Variants in HIPK2 observed in about 807,000 individuals in gnomAD.
HIPK2 encodes homeodomain-interacting protein kinase 2.
HIPK2 carries 27 observed loss-of-function variants against 113.7 expected under a neutral mutation model. The observed-to-expected ratio is 0.24, with a 90% CI of 0.17 to 0.33. The LOEUF (loss-of-function observed/expected upper bound fraction) is 0.33, where lower values mean the gene tolerates loss of function less well. Among genes scored for constraint, HIPK2 ranks in the 10% least tolerant of loss-of-function variants. HIPK2 has a pLI of 1.00. For missense variants in HIPK2, 1,257 were observed against 1,588.0 expected, an observed-to-expected ratio of 0.79 and a Z score of 3.54; for synonymous variants, 631 against 642.2, an observed-to-expected ratio of 0.98 and a Z score of 0.26.
At chr7:139,693,565 T>C (rs1794475086) in intron 2 of HIPK2, among the ~76,000 whole-genome samples, 1 of 152,176 alleles carries the variant, frequency 6.6e-6, no homozygotes, top group Non-Finnish European at 1.5e-5. Context: ...AATTTTCTCA[T>C]CCACTAAATG....
At chr7:139,658,522 G>A (rs1313006390) in intron 2 of HIPK2, among the ~76,000 whole-genome samples, 2 of 152,188 alleles carry the variant, frequency 1.3e-5, no homozygotes, top group African/African-American at 2.4e-5. Context: ...GTAGGAAAGC[G>A]AAAGCAAAAT....
intron 2 of HIPK2, among the ~76,000 whole-genome samples, chr7:139,681,093 C>T (rs1268679139): frequency 1.3e-5 from 2 of 152,236 alleles, no homozygotes; most frequent in African/African-American, 4.8e-5. Context: ...GGTAACACAT[C>T]TCTCCTGATA....
At chr7:139,776,033 C>T (rs1358955232) in intron 1 of HIPK2, among the ~76,000 whole-genome samples, 1 of 152,182 alleles carries the variant, frequency 6.6e-6, no homozygotes, top group African/African-American at 2.4e-5. Flanking sequence ...CATTTTAACA[C>T]TCTAGACAGT....
At chr7:139,723,567 T>C (rs1795481492) in intron 1 of HIPK2, among the ~76,000 whole-genome samples, 1 of 152,190 alleles carries the variant, frequency 6.6e-6, no homozygotes, top group South Asian at 2.1e-4. Flanking sequence ...CCCCACTATT[T>C]ACTTAGTTTC....
intron 13 of HIPK2, among the ~76,000 whole-genome samples, chr7:139,581,970 C>A (rs551721837): frequency 2.6e-4 from 40 of 152,306 alleles, no homozygotes; most frequent in Middle Eastern, 3.4e-3. Flanking sequence ...GCTGCATATA[C>A]CCTTAAACAA....
intron 12 of HIPK2, 116 bp from the exon 13 acceptor site, chr7:139,584,180 G>A: frequency 7.2e-7 from 1 of 1,394,046 alleles, no homozygotes; most frequent in Non-Finnish European, 9.7e-7. Context: ...GCAGGAACAG[G>A]GCTTTTGCCC....
chr7:139,657,028 G>A (rs1322645328), intron 2 of HIPK2, among the ~76,000 whole-genome samples: 1 of 152,048 alleles, frequency 6.6e-6, no homozygotes, highest in Non-Finnish European at 1.5e-5. Context: ...GCACCATCAC[G>A]CCTGGCTAAC....
chr7:139,602,091 T>C lies in HIPK2; in HGVS notation c.2256-1495A>G, dbSNP rs1215705587. On this transcript the variant is annotated intron_variant, in intron 10 of 14. Coordinates refer to ENST00000406875, the MANE Select transcript of HIPK2 (RefSeq NM_022740.5). ...CCTCAGCCTCCCGAGTAGCTGGGATTACAGGCGTGCACTGCCACGCCCAGC... is the reference window on the plus strand; with the variant it reads ...CCTCAGCCTCCCGAGTAGCTGGGATCACAGGCGTGCACTGCCACGCCCAGC... Among the ~76,000 whole-genome samples, 3 of 152,026 alleles carry C rather than the reference T, an allele frequency of 2.0e-5. No homozygotes were observed. In the East Asian group the frequency reaches 5.8e-4, roughly 29 times the overall value.
At chr7:139,575,452 G>A in intron 13 of HIPK2, 164 bp from the exon 14 acceptor site, 4 of 311,852 alleles carry the variant, frequency 1.3e-5, no homozygotes, top group Non-Finnish European at 1.9e-5. Context: ...ACTTTGCCTT[G>A]ACTCTGGATG....
rs1466712938 is a variant in HIPK2 at position 139,571,907 on chromosome 7, ACCTGCACC to A, written c.*1012_*1019del. On this transcript the variant is annotated 3_prime_UTR_variant, in exon 15 of 15. Coordinates refer to ENST00000406875, the MANE Select transcript of HIPK2 (RefSeq NM_022740.5). ...CCCACACGTGCTCGCTCACCCGCAC[ACCTGCACC>A]GCCACATTGGTTACATGCCTATGTT... 5.3e-5 allele frequency: 8 copies of A among 152,174 alleles called. No individual in the cohort carries two copies. The highest frequency in any genetic ancestry group is 1.9e-4 in the African/African-American group (8 of 41,460). 9.4% of individuals were successfully genotyped at this position (152,174 alleles called of 1,614,324 possible).
At chr7:139,725,191 G>A (rs1270131018) in intron 1 of HIPK2, among the ~76,000 whole-genome samples, 1 of 152,196 alleles carries the variant, frequency 6.6e-6, no homozygotes, top group African/African-American at 2.4e-5. Flanking sequence ...AAAAAGGACA[G>A]CTGGTAATTC....
At chr7:139,686,579 T>C (rs1794228878) in intron 2 of HIPK2, among the ~76,000 whole-genome samples, 1 of 152,178 alleles carries the variant, frequency 6.6e-6, no homozygotes, top group Non-Finnish European at 1.5e-5. Flanking sequence ...GGGGCTTTCC[T>C]CCCACTTTGC....
chr7:139,718,722 G>A (rs1042845379), intron 1 of HIPK2, among the ~76,000 whole-genome samples: 1 of 152,170 alleles, frequency 6.6e-6, no homozygotes, highest in Non-Finnish European at 1.5e-5. Flanking sequence ...TAATATGGCT[G>A]TCCAAATGAA....
At chr7:139,603,500 T>C (rs1799511132) in intron 10 of HIPK2, among the ~76,000 whole-genome samples, 1 of 152,122 alleles carries the variant, frequency 6.6e-6, no homozygotes, top group Non-Finnish European at 1.5e-5. Flanking sequence ...GGTGGACGCC[T>C]CTGGGGTGTG....
At chr7:139,723,564 ATTTACTTAG>A (rs1323705164) in intron 1 of HIPK2, among the ~76,000 whole-genome samples, 13 of 152,110 alleles carry the variant, frequency 8.5e-5, no homozygotes, top group Non-Finnish European at 1.2e-4. Flanking sequence ...TCCCCCCACT[ATTTACTTAG>A]TTTCTTCATA....
rs1265566174 is a variant in HIPK2 at position 139,564,199 on chromosome 7, G to A, written c.*8728C>T. On this transcript the variant is annotated 3_prime_UTR_variant, in exon 15 of 15. Coordinates refer to ENST00000406875, the MANE Select transcript of HIPK2 (RefSeq NM_022740.5). ...CCTTTTACATTGATTTTGCTTTTAA[G>A]GGGAAAACGAATAAATGACAGCAGA... 8.3e-6 allele frequency: 3 copies of A among 363,382 alleles called. No homozygotes were observed. In the Admixed American group the frequency reaches 1.4e-4, roughly 17 times the overall value. The allele number at this position is 363,382 out of a possible 1,614,324, so 22.5% of individuals were successfully genotyped here. A position where few individuals can be genotyped will look rare whatever the true frequency, so the allele number is the denominator to read the frequency against.
At chr7:139,718,814 C>T (rs952417092) in intron 1 of HIPK2, among the ~76,000 whole-genome samples, 11 of 152,238 alleles carry the variant, frequency 7.2e-5, no homozygotes, top group Admixed American at 2.6e-4. Flanking sequence ...GAGTAACAGC[C>T]GCATTCCCCC....
chr7:139,602,703 C>T (rs1435642829), intron 10 of HIPK2, among the ~76,000 whole-genome samples: 3 of 151,812 alleles, frequency 2.0e-5, no homozygotes, highest in Non-Finnish European at 4.4e-5. Flanking sequence ...GGCAATCTTG[C>T]TGAGCATGGG....
At chr7:139,690,270 G>A (rs1794361724) in intron 2 of HIPK2, among the ~76,000 whole-genome samples, 1 of 151,724 alleles carries the variant, frequency 6.6e-6, no homozygotes, top group South Asian at 2.1e-4. Flanking sequence ...TTAGTGGTAT[G>A]AGCAGTGCAC....
Sources: gnomAD v4.1 joint callset for allele counts (sites outside exome capture counted in the v4.1 genomes callset) on GRCh38, gnomAD v4.1.1 for gene constraint, MANE v1.5 for transcripts, NCBI Gene and HGNC (gene_info 2026-07-23, HGNC 2026-07-21) for gene names.